DLGAP2: variants seen among roughly 807,000 people sequenced by gnomAD.
DLGAP2 encodes DLG associated protein 2.
A neutral mutation model predicts 100.3 loss-of-function variants in DLGAP2; 26 were observed. The ratio of observed to expected loss-of-function variants is 0.26; its 90% CI spans 0.19 to 0.36. The LOEUF (loss-of-function observed/expected upper bound fraction) is 0.36. Ranked by LOEUF, DLGAP2 falls within the 10% of genes least tolerant of loss-of-function variation. The pLI is 1.00. For synonymous variants in DLGAP2, 886 were observed against 630.1 expected (o/e 1.41, Z -6.08); for missense variants, 1,858 against 1,453.2 (o/e 1.28, Z -4.53).
chr8:1,662,600 A>C (rs1028787380), intron 8 of DLGAP2, among the ~76,000 whole-genome samples: 3 of 152,274 alleles, frequency 2.0e-5, no homozygotes, highest in Non-Finnish European at 4.4e-5. Context: ...TCTCAGTTCT[A>C]CCATTTTTCT....
At chr8:743,246 G>T (rs149820283) in intron 1 of DLGAP2, among the ~76,000 whole-genome samples, 2 of 152,154 alleles carry the variant, frequency 1.3e-5, no homozygotes, top group Non-Finnish European at 2.9e-5. Flanking sequence ...TGGGCATCAC[G>T]TTTGACACTG....
chr8:1,438,438 C>G (rs1797715701), intron 3 of DLGAP2, among the ~76,000 whole-genome samples: 1 of 151,992 alleles, frequency 6.6e-6, no homozygotes, highest in Non-Finnish European at 1.5e-5. Flanking sequence ...AATAAAATTG[C>G]TAATTTAACT....
chr8:1,199,992 C>T (rs1178835400), intron 2 of DLGAP2, among the ~76,000 whole-genome samples: 2 of 152,028 alleles, frequency 1.3e-5, no homozygotes, highest in Non-Finnish European at 2.9e-5. Context: ...GTCTGTGCAT[C>T]CCCGGGGGTC....
chr8:1,080,872 A>T (rs1803784021), intron 2 of DLGAP2, among the ~76,000 whole-genome samples: 1 of 152,214 alleles, frequency 6.6e-6, no homozygotes, highest in Non-Finnish European at 1.5e-5. Context: ...TTACTGTATT[A>T]AATATTGGTT....
At chr8:1,570,505 T>C (rs2906590) in intron 6 of DLGAP2, among the ~76,000 whole-genome samples, 76,154 of 152,194 alleles carry the variant, frequency 0.5, 19,179 homozygotes, top group Middle Eastern at 0.66. Flanking sequence ...AAAATTGATT[T>C]CTGAGTTGAC....
At position 1,378,831 on chromosome 8, in the gene DLGAP2, C is replaced by G. The variant is rs79498811; in HGVS notation, c.106+119948C>G. On this transcript the variant is annotated intron_variant, in intron 3 of 14. Transcript: ENST00000637795. ...CCAGATTCTTTCAAATCCTGATTCT[C>G]TTCTCTGAGGAGTCTGTGCCGTCCC... is the stretch of plus-strand genomic sequence containing the variant. Among the ~76,000 whole-genome samples the G allele has an allele frequency of 1.8e-3, 276 of 152,334 alleles. 4 individuals carry two copies. The South Asian group carries it at 0.028, about 15-fold the overall frequency.
chr8:1,262,578 C>T (rs561899923), intron 3 of DLGAP2: 15 of 152,236 alleles, frequency 9.9e-5, no homozygotes, highest in Middle Eastern at 3.4e-3. Flanking sequence ...TTACTCAGAA[C>T]AATCTCAGTT....
At chr8:1,008,981 A>G (rs898983024) in intron 2 of DLGAP2, among the ~76,000 whole-genome samples, 1 of 152,252 alleles carries the variant, frequency 6.6e-6, no homozygotes, top group Non-Finnish European at 1.5e-5. Context: ...TCGCACTGCC[A>G]TGGCCAGACC....
intron 2 of DLGAP2, among the ~76,000 whole-genome samples, chr8:1,237,039 A>C (rs1376322610): frequency 6.2e-5 from 8 of 128,794 alleles, no homozygotes; most frequent in African/African-American, 2.4e-4. Flanking sequence ...CATCGTGTCT[A>C]GTTCTCTCAC....
At chr8:1,030,853 G>A (rs983593312) in intron 2 of DLGAP2, among the ~76,000 whole-genome samples, 3 of 152,184 alleles carry the variant, frequency 2.0e-5, no homozygotes, top group Non-Finnish European at 2.9e-5. Context: ...CCCTCTCCTG[G>A]AGGAAAGAGA....
At chr8:1,414,561 G>C (rs556374362) in intron 3 of DLGAP2, among the ~76,000 whole-genome samples, 6 of 152,222 alleles carry the variant, frequency 3.9e-5, no homozygotes, top group Middle Eastern at 3.2e-3. Context: ...TCCCAGTGCA[G>C]AGTCCACACC....
At chr8:984,658 C>G (rs1243202808) in intron 2 of DLGAP2, among the ~76,000 whole-genome samples, 1 of 152,222 alleles carries the variant, frequency 6.6e-6, no homozygotes, top group African/African-American at 2.4e-5. Flanking sequence ...GCCTCCCAGT[C>G]AATACGCCGA....
chr8:850,354 C>T (rs532375037), intron 1 of DLGAP2, among the ~76,000 whole-genome samples: 5 of 152,110 alleles, frequency 3.3e-5, no homozygotes, highest in Middle Eastern at 3.2e-3. Flanking sequence ...TTAAAAGTTA[C>T]GCTGCCTCTT....
chr8:740,664 G>A (rs1403594501), intron 1 of DLGAP2, among the ~76,000 whole-genome samples: 1 of 152,096 alleles, frequency 6.6e-6, no homozygotes, highest in African/African-American at 2.4e-5. Context: ...TCTTTTTAAG[G>A]GTGAGAGGAT....
intron 1 of DLGAP2, among the ~76,000 whole-genome samples, chr8:764,066 C>G (rs1299784861): frequency 1.3e-5 from 2 of 152,086 alleles, no homozygotes; most frequent in African/African-American, 4.8e-5. Flanking sequence ...AACCTGTAAC[C>G]ACATTTAGTT....
intron 3 of DLGAP2, among the ~76,000 whole-genome samples, chr8:1,491,094 C>T (rs1799369512): frequency 1.6e-5 from 1 of 60,998 alleles, no homozygotes; most frequent in African/African-American, 4.6e-5. Context: ...AAAAAAAAAC[C>T]CAAAAATAAA....
At chr8:1,341,754 C>T (rs1305931521) in intron 3 of DLGAP2, among the ~76,000 whole-genome samples, 1 of 152,154 alleles carries the variant, frequency 6.6e-6, no homozygotes, top group Non-Finnish European at 1.5e-5. Context: ...GGTGTGCTAG[C>T]AGGTGTCATT....
chr8:1,317,646 G>A (rs868643677), intron 3 of DLGAP2, among the ~76,000 whole-genome samples: 1,936 of 116,134 alleles, frequency 0.017, 8 homozygotes, highest in Middle Eastern at 0.047. Context: ...CGAGACACTC[G>A]GCAGCGTTTA....
chr8:938,425 G>T (rs549051874), intron 2 of DLGAP2, among the ~76,000 whole-genome samples: 1 of 152,138 alleles, frequency 6.6e-6, no homozygotes, highest in African/African-American at 2.4e-5. Flanking sequence ...CTTGAGGTTG[G>T]ATCCAAGTTC....
Sources: allele counts gnomAD v4.1 joint callset (sites outside exome capture counted in the v4.1 genomes callset), GRCh38; gene constraint gnomAD v4.1.1; transcripts MANE v1.5; gene names NCBI Gene and HGNC (gene_info 2026-07-23, HGNC 2026-07-21).